Variants in FAM83G observed in about 807,000 individuals in gnomAD.
FAM83G encodes protein FAM83G.
FAM83G carries 38 observed loss-of-function variants against 61.5 expected under a neutral mutation model. That is an observed-to-expected ratio of 0.62 (90% CI 0.48 to 0.81). The LOEUF (loss-of-function observed/expected upper bound fraction) is 0.81, where lower values mean the gene tolerates loss of function less well. Ranked by LOEUF, FAM83G falls within the 30% of genes least tolerant of loss-of-function variation. The pLI, the probability that FAM83G is intolerant of heterozygous loss-of-function variation, is 0.00. For missense variants in FAM83G, 989 were observed against 1,133.6 expected (o/e 0.87, Z 1.83); for synonymous variants, 470 against 476.1 (o/e 0.99, Z 0.17).
intron 2 of FAM83G, among the ~76,000 whole-genome samples, chr17:18,993,513 G>A (rs528643760): frequency 1.6e-4 from 25 of 152,212 alleles, no homozygotes; most frequent in Non-Finnish European, 3.2e-4. Context: ...CCCTAGAGGC[G>A]GCTCAGAGAG....
intron 5 of FAM83G, chr17:18,977,099 C>G: frequency 6.8e-7 from 1 of 1,472,722 alleles, no homozygotes; most frequent in South Asian, 1.3e-5. Flanking sequence ...GTGAACTGTT[C>G]CCCAACCTGG....
At chr17:19,005,122 T>C (rs373804954), upstream of FAM83G, among the ~76,000 whole-genome samples, 60 of 152,114 alleles carry the variant, frequency 3.9e-4, 1 homozygote, top group East Asian at 9.7e-3. Flanking sequence ...TGCGGCTGTA[T>C]AGATACCCAG....
chr17:18,992,249 C>T (rs920210912), intron 2 of FAM83G, among the ~76,000 whole-genome samples: 3 of 152,212 alleles, frequency 2.0e-5, no homozygotes, highest in Non-Finnish European at 2.9e-5. Context: ...GAATCCCCCA[C>T]CTCCCTCTGT....
rs2042826923 is a variant in FAM83G at position 18,970,979 on chromosome 17, C to T, written c.*380G>A. 3 of 1,607,990 alleles carry T rather than the reference C, an allele frequency of 1.9e-6. No individual in the cohort carries two copies. Among genetic ancestry groups the T allele is most frequent in the East Asian group, 2.2e-5 (1 of 44,758 alleles). ...CCAGGGAGTCAGGGCCCCGCAACCA[C>T]CAAACTGTCCCTGTTCCACCCTGAC... is the stretch of plus-strand genomic sequence containing the variant. On this transcript the variant is annotated 3_prime_UTR_variant, in exon 6 of 6. Transcript: ENST00000388995.
In FAM83G at chr17:18,987,120, G is replaced by C. The variant is rs144046929; in HGVS notation, c.690+1127C>G. ...CAAATGCTGACAAATTACAGGCGTG[G>C]AGCCCGGCCCCTTGTTAACCAGACT... On this transcript the variant is annotated intron_variant, in intron 3 of 5. Coordinates refer to ENST00000388995, the MANE Select transcript of FAM83G (RefSeq NM_001039999.3). Among the ~76,000 whole-genome samples the C allele has an allele frequency of 4.3e-3, 656 of 152,298 alleles. 6 individuals carry two copies. Among genetic ancestry groups the C allele is most frequent in the African/African-American group, 0.015 (604 of 41,552 alleles).
At chr17:18,977,493 G>T in intron 5 of FAM83G, 91 bp downstream of exon 5, 1 of 1,275,252 alleles carries the variant, frequency 7.8e-7, no homozygotes, top group Non-Finnish European at 1.1e-6. Context: ...CAGAGTCAGG[G>T]ACATGGTAGC....
intron 2 of FAM83G, among the ~76,000 whole-genome samples, chr17:18,993,370 T>C (rs2043479683): frequency 6.6e-6 from 1 of 152,212 alleles, no homozygotes; most frequent in African/African-American, 2.4e-5. Context: ...CGTGTATCAC[T>C]TGCGTATTTC....
rs2043829048 is a variant in FAM83G, at chr17:19,004,609, G to A, written c.-129+100C>T. The stretch of plus-strand genomic sequence containing the variant: ...CCAGGAGGCCTGCCCGGAGGAGGCT[G>A]GGGCTCTGGGAGGGGTCCAGGAGAC... On this transcript the variant is annotated intron_variant, in intron 1 of 5. Transcript: ENST00000388995. This position sits in a 1 kb window ranked among gnomAD's most constrained non-coding sequence, Gnocchi z 5.4. 1 of 152,018 alleles carries A rather than the reference G, an allele frequency of 6.6e-6. No homozygotes were observed. Among genetic ancestry groups the A allele is most frequent in the African/African-American group, 2.4e-5 (1 of 41,420 alleles). 9.4% of individuals were successfully genotyped at this position (152,018 alleles called of 1,614,324 possible). A position where few individuals can be genotyped will look rare whatever the true frequency, so the allele number is the denominator to read the frequency against.
At chr17:18,983,015 G>A (rs965131606) in intron 3 of FAM83G, among the ~76,000 whole-genome samples, 2 of 152,246 alleles carry the variant, frequency 1.3e-5, no homozygotes, top group Non-Finnish European at 2.9e-5. Flanking sequence ...CCATGAACTG[G>A]AAGTGGCGCA....
chr17:19,005,647 A>ACCG (rs2043864745), upstream of FAM83G, among the ~76,000 whole-genome samples: 1 of 136,946 alleles, frequency 7.3e-6, no homozygotes, highest in African/African-American at 2.8e-5. Context: ...GTGCCCTCAA[A>ACCG]CCCCCCCCCT....
rs542844854 is a variant in FAM83G at position 19,000,856 on chromosome 17, C to T, written c.522+2664G>A. ...CAGGAAGCAGGCAGACAAAGCGCCC[C>T]GTCAGCATCCGTCAGTGTCCGGGCC... On this transcript the variant is annotated intron_variant, in intron 2 of 5. Coordinates refer to ENST00000388995, the MANE Select transcript of FAM83G (RefSeq NM_001039999.3). This position sits in a 1 kb window ranked among gnomAD's most constrained non-coding sequence, Gnocchi z 5.2. Among the ~76,000 whole-genome samples, 2 of 152,204 alleles carry T rather than the reference C, an allele frequency of 1.3e-5. No homozygotes were observed. The highest frequency in any genetic ancestry group is 1.9e-4 in the East Asian group (1 of 5,168).
rs559966334 is a variant in FAM83G, at chr17:18,969,492, G to A, written c.*1867C>T. 9.1e-6 allele frequency: 13 copies of A among 1,427,558 alleles called. No individual in the cohort carries two copies. In the East Asian group the frequency reaches 1.1e-4, roughly 13 times the overall value. The allele number at this position is 1,427,558 out of a possible 1,614,324, so 88.4% of individuals were successfully genotyped here. A position where few individuals can be genotyped will look rare whatever the true frequency, so the allele number is the denominator to read the frequency against. On this transcript the variant is annotated 3_prime_UTR_variant, in exon 6 of 6. Coordinates refer to ENST00000388995, the MANE Select transcript of FAM83G (RefSeq NM_001039999.3). ...AGCCCTTTGGAGTCTGGCACTGCCC[G>A]GCACTGTGCAGGATTCATGCCGTTG...
At chr17:18,980,040 C>T (rs933176195) in intron 3 of FAM83G, among the ~76,000 whole-genome samples, 3 of 152,058 alleles carry the variant, frequency 2.0e-5, no homozygotes, top group Admixed American at 6.5e-5. Flanking sequence ...GGGTCCTGAG[C>T]GGGAGGGTGA....
intron 5 of FAM83G, chr17:18,977,290 C>T: frequency 5.2e-6 from 3 of 577,062 alleles, no homozygotes; most frequent in Non-Finnish European, 9.1e-6. Context: ...CTGGCAGGTG[C>T]CATCAAGATC....
In FAM83G at chr17:18,977,960, C is replaced by T. The variant is rs769892325; in HGVS notation, c.1706G>A (p.Gly569Glu). 1.3e-6 allele frequency: 2 copies of T among 1,598,540 alleles called. No individual in the cohort carries two copies. The highest frequency in any genetic ancestry group is 2.2e-5 in the South Asian group (2 of 89,410). ...ATCCAGCCCATTGGGGAGCCCCACC[C>T]CGAGGCTCTCGGGGTCATCCTGGGT... is the stretch of plus-strand genomic sequence containing the variant. ...SVTQDDPESL[G>E]VGLPNGLDGV... Residue 569 changes from glycine to glutamate, a missense_variant, in exon 5 of 6, where the codon GGG becomes GAG. Coordinates refer to ENST00000388995, the MANE Select transcript of FAM83G (RefSeq NM_001039999.3).
At chr17:18,992,406 A>T (rs1021478252) in intron 2 of FAM83G, among the ~76,000 whole-genome samples, 2 of 152,238 alleles carry the variant, frequency 1.3e-5, no homozygotes, top group Non-Finnish European at 2.9e-5. Flanking sequence ...CAGTGACCGG[A>T]GCAGCTTGAG....
In FAM83G at chr17:18,970,748, C is replaced by T. The variant is rs1265851163; in HGVS notation, c.*611G>A. ...GAGGCCAACAGTGACTCCTGCTGGG[C>T]CAGCGGGACACTGGGGTGCCCATGT... On this transcript the variant is annotated 3_prime_UTR_variant, in exon 6 of 6. Transcript: ENST00000388995. The T allele has an allele frequency of 4.1e-6, 2 of 491,768 alleles. No homozygotes were observed. Among genetic ancestry groups the T allele is most frequent in the African/African-American group, 1.9e-5 (1 of 51,698 alleles). 30.5% of individuals were successfully genotyped at this position (491,768 alleles called of 1,614,324 possible). A position where few individuals can be genotyped will look rare whatever the true frequency, so the allele number is the denominator to read the frequency against.
chr17:18,977,158 G>A, intron 5 of FAM83G: 2 of 909,236 alleles, frequency 2.2e-6, no homozygotes, highest in Non-Finnish European at 3.3e-6. Flanking sequence ...GATTAACATG[G>A]ATGTGGCTTG....
At chr17:18,989,528 G>C (rs1473975695) in intron 2 of FAM83G, among the ~76,000 whole-genome samples, 1 of 152,226 alleles carries the variant, frequency 6.6e-6, no homozygotes, top group Non-Finnish European at 1.5e-5. Flanking sequence ...CAAACTCACT[G>C]TGTGACCCTG....
Sources: gnomAD v4.1 joint callset for allele counts (sites outside exome capture counted in the v4.1 genomes callset) on GRCh38, gnomAD v4.1.1 for gene constraint, Gnocchi (gnomAD v3.1) non-coding constraint, MANE v1.5 for transcripts, NCBI Gene and HGNC (gene_info 2026-07-23, HGNC 2026-07-21) for gene names.